The following PLCL1 variants were observed in gnomAD, a reference collection of about 807,000 sequenced individuals.
The protein encoded by PLCL1 is phospholipase C like 1 (inactive).
Under a neutral mutation model 84.4 loss-of-function variants are expected in PLCL1, and 41 were observed. The ratio of observed to expected loss-of-function variants is 0.49; its 90% confidence interval spans 0.38 to 0.63. PLCL1 has a LOEUF of 0.63. Among genes scored for constraint, PLCL1 ranks in the 30% least tolerant of loss-of-function variants. PLCL1 has a pLI of 0.00. For synonymous variants in PLCL1, 490 were observed against 488.3 expected (o/e 1.00, Z -0.05); for missense variants, 1,206 against 1,367.8 (o/e 0.88, Z 1.87).
chr2:198,089,135 G>GTTATTCATTGGAGTTCCACAGA, intron 3 of PLCL1, 74 bp downstream of exon 3: 3 of 1,070,466 alleles, frequency 2.8e-6, no homozygotes, highest in South Asian at 1.3e-5. Context: ...ACTCCTCTGT[G>GTTATTCATTGGAGTTCCACAGA]GAACTCCAAT....
chr2:198,094,254 G>A (rs10200463), intron 3 of PLCL1, among the ~76,000 whole-genome samples: 81,828 of 151,242 alleles, frequency 0.54, 24,465 homozygotes, highest in African/African-American at 0.8. Context: ...GTAGAGACAG[G>A]GTTTCACCAT....
intron 1 of PLCL1, among the ~76,000 whole-genome samples, chr2:197,984,762 T>C (rs1690186657): frequency 6.6e-6 from 1 of 151,704 alleles, no homozygotes; most frequent in Non-Finnish European, 1.5e-5. Context: ...ACTTACTGCA[T>C]TAGAAATCGG....
intron 1 of PLCL1, among the ~76,000 whole-genome samples, chr2:197,912,135 C>T (rs1255136986): frequency 1.3e-5 from 2 of 152,108 alleles, no homozygotes; most frequent in Non-Finnish European, 1.5e-5. Flanking sequence ...GTCTGGAATC[C>T]ATCAACTTGG....
intron 1 of PLCL1, among the ~76,000 whole-genome samples, chr2:198,075,501 A>G (rs1039243192): frequency 1.3e-5 from 2 of 152,234 alleles, no homozygotes; most frequent in Admixed American, 1.3e-4. Flanking sequence ...GACTAGAGAA[A>G]TGGAAGTTCA....
chr2:198,015,172 T>A (rs1304356742), intron 1 of PLCL1, among the ~76,000 whole-genome samples: 2 of 152,256 alleles, frequency 1.3e-5, no homozygotes, highest in Admixed American at 6.5e-5. Context: ...TATAACTGCA[T>A]GTTGGTTATT....
At chr2:197,820,203 T>C (rs2106418533) in intron 1 of PLCL1, among the ~76,000 whole-genome samples, 1 of 152,090 alleles carries the variant, frequency 6.6e-6, no homozygotes, top group East Asian at 1.9e-4. Context: ...TTGGCACAAC[T>C]CCTAGGGCTG....
chr2:197,899,666 C>T (rs1391770846), intron 1 of PLCL1, among the ~76,000 whole-genome samples: 3 of 131,190 alleles, frequency 2.3e-5, no homozygotes, highest in Non-Finnish European at 4.6e-5. Context: ...GACGGAGTCT[C>T]GCTCTGTCGC....
At chr2:197,875,985 C>G (rs1238851743) in intron 1 of PLCL1, among the ~76,000 whole-genome samples, 1 of 152,162 alleles carries the variant, frequency 6.6e-6, no homozygotes, top group African/African-American at 2.4e-5. Flanking sequence ...CTATATAACA[C>G]TGCTACAGTC....
At position 198,088,052 on chromosome 2, in the gene PLCL1, C is replaced by A. The variant is rs76126573; in HGVS notation, c.2716-806C>A. On this transcript the variant is annotated intron_variant, in intron 2 of 5. Coordinates refer to ENST00000428675, the MANE Select transcript of PLCL1 (RefSeq NM_006226.4). Reference sequence around the variant, plus strand: ...TCCCTATGTTAGATTAGTTATAAACCATTTCTGCACTTAACTTTATAGATT... The same window carrying A: ...TCCCTATGTTAGATTAGTTATAAACAATTTCTGCACTTAACTTTATAGATT... Among the ~76,000 whole-genome samples the A allele has an allele frequency of 4.8e-3, 727 of 152,208 alleles. 5 individuals carry two copies. The highest frequency in any genetic ancestry group is 0.017 in the African/African-American group (701 of 41,548).
intron 1 of PLCL1, among the ~76,000 whole-genome samples, chr2:197,956,104 A>G (rs1469274923): frequency 6.6e-6 from 1 of 151,800 alleles, no homozygotes; most frequent in Non-Finnish European, 1.5e-5. Flanking sequence ...GTTTGCTGAG[A>G]ATGATAGCTT....
chr2:197,910,587 G>T (rs1015545447), intron 1 of PLCL1, among the ~76,000 whole-genome samples: 1 of 152,172 alleles, frequency 6.6e-6, no homozygotes, highest in African/African-American at 2.4e-5. Flanking sequence ...CTACTTGATG[G>T]TCAATTGCTT....
At chr2:197,897,892 A>G (rs1688186078) in intron 1 of PLCL1, among the ~76,000 whole-genome samples, 1 of 152,196 alleles carries the variant, frequency 6.6e-6, no homozygotes, top group Non-Finnish European at 1.5e-5. Flanking sequence ...GATTTTTGTT[A>G]TGTCAGAAGT....
chr2:197,853,058 G>A (rs1687269262), intron 1 of PLCL1, among the ~76,000 whole-genome samples: 1 of 151,990 alleles, frequency 6.6e-6, no homozygotes, highest in African/African-American at 2.4e-5. Context: ...CCACTATTCT[G>A]CTTTCTGTCT....
At chr2:197,867,304 T>C (rs1376342396) in intron 1 of PLCL1, among the ~76,000 whole-genome samples, 1 of 152,142 alleles carries the variant, frequency 6.6e-6, no homozygotes, top group African/African-American at 2.4e-5. Context: ...TGAATACTTG[T>C]TGATTAATGG....
intron 5 of PLCL1, among the ~76,000 whole-genome samples, chr2:198,138,171 T>A (rs942245882): frequency 2.6e-5 from 4 of 152,182 alleles, no homozygotes; most frequent in Non-Finnish European, 5.9e-5. Flanking sequence ...AAAAGAGGTT[T>A]TTTTGTTTTG....
At chr2:197,956,577 C>T (rs1370373764) in intron 1 of PLCL1, among the ~76,000 whole-genome samples, 1 of 152,156 alleles carries the variant, frequency 6.6e-6, no homozygotes, top group Non-Finnish European at 1.5e-5. Context: ...GCCTTGCCAG[C>T]ATCTGCTGTT....
chr2:197,835,562 A>T (rs1250993971), intron 1 of PLCL1, among the ~76,000 whole-genome samples: 1 of 152,192 alleles, frequency 6.6e-6, no homozygotes, highest in Admixed American at 6.5e-5. Flanking sequence ...ATCCACTATT[A>T]ATAGGAGCAG....
At chr2:197,920,242 C>G (rs944862243) in intron 1 of PLCL1, among the ~76,000 whole-genome samples, 32 of 151,822 alleles carry the variant, frequency 2.1e-4, no homozygotes, top group African/African-American at 7.3e-4. Flanking sequence ...GACAGCTGTT[C>G]CACAGACTGT....
At chr2:198,008,355 A>G (rs1690781991) in intron 1 of PLCL1, among the ~76,000 whole-genome samples, 1 of 151,314 alleles carries the variant, frequency 6.6e-6, no homozygotes. Flanking sequence ...TCATGAAACA[A>G]CTCCCCATTT....
Sources: gnomAD v4.1 joint callset for allele counts (sites outside exome capture counted in the v4.1 genomes callset) on GRCh38, gnomAD v4.1.1 for gene constraint, MANE v1.5 for transcripts, NCBI Gene and HGNC (gene_info 2026-07-23, HGNC 2026-07-21) for gene names.